UGGT2: variants seen among roughly 807,000 people sequenced by gnomAD.
UGGT2 encodes UDP-glucose glycoprotein glucosyltransferase 2, also known as UDP-glucose:glycoprotein glucosyltransferase 2.
Under a neutral mutation model 192.1 loss-of-function variants are expected in UGGT2, and 180 were observed. The observed-to-expected ratio is 0.94, with a 90% confidence interval of 0.83 to 1.06. The LOEUF is 1.06. Ranked by LOEUF, UGGT2 falls within the 50% of genes least tolerant of loss-of-function variation. The pLI is 0.00. For synonymous variants in UGGT2, 580 were observed against 591.0 expected (o/e 0.98, Z 0.27); for missense variants, 1,849 against 1,795.7 (o/e 1.03, Z -0.54).
intron 4 of UGGT2, among the ~76,000 whole-genome samples, chr13:96,018,958 A>G (rs1314155270): frequency 1.3e-5 from 2 of 151,724 alleles, no homozygotes; most frequent in Non-Finnish European, 2.9e-5. Flanking sequence ...GGAAAAAATT[A>G]AAATATTTAT....
chr13:96,044,973 T>A (rs117339173), intron 1 of UGGT2, among the ~76,000 whole-genome samples: 2 of 151,874 alleles, frequency 1.3e-5, no homozygotes, highest in Non-Finnish European at 2.9e-5. Context: ...AAAGAGGGAA[T>A]CCTCCTGAAA....
chr13:95,884,487 T>G lies in UGGT2; in HGVS notation c.3228+4A>C, dbSNP rs1039630542. 1.2e-6 allele frequency: 2 copies of G among 1,605,886 alleles called. No homozygotes were observed. Among genetic ancestry groups the G allele is most frequent in the African/African-American group, 2.7e-5 (2 of 74,694 alleles). ...TCTTTATATGACTATACACAATAAC[T>G]TACATCCTTTAAGTGAATATTATCA... On this transcript the variant is annotated splice_donor_region_variant and intron_variant, in intron 27 of 38. Coordinates refer to ENST00000376747, the MANE Select transcript of UGGT2 (RefSeq NM_020121.4).
At chr13:96,010,084 C>T (rs1216815275) in intron 5 of UGGT2, among the ~76,000 whole-genome samples, 1 of 152,052 alleles carries the variant, frequency 6.6e-6, no homozygotes, top group African/African-American at 2.4e-5. Flanking sequence ...TGTGGCAATC[C>T]TCAAAGAACC....
intron 10 of UGGT2, chr13:95,983,487 C>T (rs2051192316): frequency 2.3e-6 from 1 of 440,262 alleles, no homozygotes; most frequent in Non-Finnish European, 4.4e-6. Context: ...TCAGTCTTCA[C>T]AAGCTTTTAA....
At chr13:95,887,587 C>T (rs1000620081) in intron 26 of UGGT2, among the ~76,000 whole-genome samples, 2 of 152,090 alleles carry the variant, frequency 1.3e-5, no homozygotes, top group Admixed American at 6.6e-5. Context: ...TTTAATTCCA[C>T]CTTATTTCCC....
intron 30 of UGGT2, among the ~76,000 whole-genome samples, chr13:95,866,033 G>A (rs895423354): frequency 5.9e-5 from 8 of 136,070 alleles, no homozygotes; most frequent in South Asian, 2.2e-4. Flanking sequence ...TCACACTAGC[G>A]TGTGTGTGTG....
At chr13:95,850,709 C>A (rs1888954453) in intron 36 of UGGT2, among the ~76,000 whole-genome samples, 1 of 152,180 alleles carries the variant, frequency 6.6e-6, no homozygotes, top group African/African-American at 2.4e-5. Context: ...AAAGACCAAT[C>A]AGCTGTTTGA....
chr13:95,932,311 T>TGTGTGTGTGTGTG (rs2049311268), intron 17 of UGGT2, among the ~76,000 whole-genome samples: 43 of 139,508 alleles, frequency 3.1e-4, no homozygotes, highest in African/African-American at 1.2e-3. Context: ...GGTATTTTAT[T>TGTGTGTGTGTGTG]TGTGTGTGTG....
intron 25 of UGGT2, 75 bp from the exon 26 acceptor site, chr13:95,888,046 C>G (rs913484824): frequency 1.8e-5 from 18 of 999,806 alleles, no homozygotes; most frequent in Non-Finnish European, 2.7e-5. Flanking sequence ...TTACTATGTA[C>G]CAGGTACTAT....
chr13:95,947,473 CA>C (rs68137203), intron 14 of UGGT2, among the ~76,000 whole-genome samples: 57,990 of 144,374 alleles, frequency 0.4, 11,675 homozygotes, highest in Middle Eastern at 0.43. Flanking sequence ...TTTTTTGAGA[CA>C]AGAGTCTCGC....
intron 12 of UGGT2, among the ~76,000 whole-genome samples, chr13:95,964,819 G>A (rs1393269419): frequency 6.6e-6 from 1 of 152,024 alleles, no homozygotes; most frequent in African/African-American, 2.4e-5. Flanking sequence ...CCTACAAAAT[G>A]GGAGAAAATT....
At chr13:95,835,670 G>A (rs187094527) in intron 37 of UGGT2, among the ~76,000 whole-genome samples, 32 of 151,798 alleles carry the variant, frequency 2.1e-4, no homozygotes, top group South Asian at 2.1e-4. Flanking sequence ...TAGCTTATTC[G>A]TCAGTGAAGA....
intron 29 of UGGT2, among the ~76,000 whole-genome samples, chr13:95,872,045 G>C (rs1891270226): frequency 6.6e-6 from 1 of 152,070 alleles, no homozygotes; most frequent in Non-Finnish European, 1.5e-5. Flanking sequence ...TACTTTGGCA[G>C]AAAAGATTTT....
chr13:95,820,850 C>T (rs192938945), intron 38 of UGGT2, among the ~76,000 whole-genome samples: 142 of 152,074 alleles, frequency 9.3e-4, no homozygotes, highest in Non-Finnish European at 1.8e-3. Flanking sequence ...TGAGAACATA[C>T]GGTATTTGAC....
At chr13:95,990,389 A>T (rs1594522576) in intron 7 of UGGT2, 1 of 158,286 alleles carries the variant, frequency 6.3e-6, no homozygotes, top group Non-Finnish European at 1.4e-5. Context: ...TTTGTTTAAC[A>T]TTTTATAAAT....
At chr13:95,900,962 G>T in intron 21 of UGGT2, 24 bp from the exon 22 acceptor site, 1 of 1,504,952 alleles carries the variant, frequency 6.6e-7, no homozygotes. Flanking sequence ...TAAGACTGAT[G>T]AAACTAATAT....
intron 5 of UGGT2, among the ~76,000 whole-genome samples, chr13:96,002,875 G>C (rs368110505): frequency 6.6e-6 from 1 of 152,176 alleles, no homozygotes; most frequent in Non-Finnish European, 1.5e-5. Flanking sequence ...GGAAATGCAA[G>C]AAATATGAAG....
intron 20 of UGGT2, among the ~76,000 whole-genome samples, chr13:95,921,899 C>A (rs1289924413): frequency 6.6e-6 from 1 of 152,138 alleles, no homozygotes; most frequent in East Asian, 1.9e-4. Flanking sequence ...ACAGAACTAC[C>A]ATTTGACCCA....
At chr13:95,949,207 C>A in intron 13 of UGGT2, 128 bp downstream of exon 13, 1 of 926,650 alleles carries the variant, frequency 1.1e-6, no homozygotes, top group Non-Finnish European at 1.5e-6. Context: ...GCCACCTAAG[C>A]TTGCTGCTTC....
Sources: allele counts gnomAD v4.1 joint callset (sites outside exome capture counted in the v4.1 genomes callset), GRCh38; gene constraint gnomAD v4.1.1; transcripts MANE v1.5; gene names NCBI Gene and HGNC (gene_info 2026-07-23, HGNC 2026-07-21).